FNBP1: variants seen among roughly 807,000 people sequenced by gnomAD.
FNBP1 encodes formin binding protein 1, also known as formin-binding protein 1.
In FNBP1, 26 loss-of-function variants were observed where a neutral mutation model predicts 90.6. The observed-to-expected ratio is 0.29, with a 90% CI of 0.21 to 0.40. FNBP1 has a LOEUF of 0.40. Among genes scored for constraint, FNBP1 ranks in the 10% least tolerant of loss-of-function variants. The probability of loss-of-function intolerance (pLI) is 1.00; values close to 1 mark genes in which losing one functional copy is unlikely to be tolerated. For synonymous variants in FNBP1, 260 were observed against 265.2 expected (o/e 0.98, Z 0.19); for missense variants, 635 against 768.0 (o/e 0.83, Z 2.05).
chr9:129,999,759 A>T lies in FNBP1; in HGVS notation c.25-4801T>A, dbSNP rs544880373. Among the ~76,000 whole-genome samples the T allele has an allele frequency of 2.0e-5, 3 of 152,322 alleles. No individual in the cohort carries two copies. In the South Asian group the frequency reaches 6.2e-4, roughly 32 times the overall value. On this transcript the variant is annotated intron_variant, in intron 1 of 16. Coordinates refer to ENST00000446176, the MANE Select transcript of FNBP1 (RefSeq NM_015033.3). The stretch of plus-strand genomic sequence containing the variant: ...ACCATTACATGTTAATGGAAAGAGC[A>T]TGTTTTTATTTTTTAAAACTGTACT...
In FNBP1 at chr9:129,889,139, C is replaced by A. The variant is rs1447349856; in HGVS notation, c.*1400G>T. ...ACCTCAGGTTTTCCTCAAAAACCCA[C>A]ACAGGGAAAGAAACTTGGCTCTAAA... On this transcript the variant is annotated 3_prime_UTR_variant, in exon 17 of 17. Coordinates refer to ENST00000446176, the MANE Select transcript of FNBP1 (RefSeq NM_015033.3). The A allele has an allele frequency of 4.5e-6, 1 of 221,042 alleles. No homozygotes were observed. The highest frequency in any genetic ancestry group is 2.3e-5 in the African/African-American group (1 of 44,296). 13.7% of individuals were successfully genotyped at this position (221,042 alleles called of 1,614,324 possible).
chr9:130,043,275 C>T, upstream of FNBP1: 1 of 241,660 alleles, frequency 4.1e-6, no homozygotes, highest in Non-Finnish European at 7.9e-6. Context: ...ACAGCTCGCG[C>T]ACGCGCGCCC....
intron 6 of FNBP1, among the ~76,000 whole-genome samples, chr9:129,943,080 C>T (rs968033690): frequency 5.9e-5 from 9 of 152,212 alleles, no homozygotes; most frequent in Non-Finnish European, 1.2e-4. Flanking sequence ...GCAGGCAGGT[C>T]AACGTCGGCA....
At chr9:130,000,615 G>A (rs2054691537) in intron 1 of FNBP1, among the ~76,000 whole-genome samples, 1 of 152,142 alleles carries the variant, frequency 6.6e-6, no homozygotes, top group Admixed American at 6.6e-5. Flanking sequence ...GTTTATATCA[G>A]TACCAATCTC....
intron 1 of FNBP1, among the ~76,000 whole-genome samples, chr9:130,011,712 C>A (rs2131685882): frequency 6.6e-6 from 1 of 152,220 alleles, no homozygotes; most frequent in South Asian, 2.1e-4. Context: ...TATAAATTAT[C>A]CACTCTCAGG....
chr9:129,952,784 TAGAC>T (rs1192979869), intron 6 of FNBP1, among the ~76,000 whole-genome samples: 2 of 152,136 alleles, frequency 1.3e-5, no homozygotes, highest in Non-Finnish European at 2.9e-5. Flanking sequence ...AAGAGTAAAA[TAGAC>T]AGAACATCAA....
At chr9:129,927,073 G>A in intron 8 of FNBP1, 122 bp downstream of exon 8, 1 of 925,638 alleles carries the variant, frequency 1.1e-6, no homozygotes, top group Non-Finnish European at 1.7e-6. Context: ...CACAGAGCAT[G>A]TGTGACCACC....
chr9:130,022,773 G>C (rs769259095), intron 1 of FNBP1, among the ~76,000 whole-genome samples: 1 of 151,948 alleles, frequency 6.6e-6, no homozygotes, highest in Non-Finnish European at 1.5e-5. Context: ...CCTCAGGCTC[G>C]GGTGATCATC....
intron 1 of FNBP1, chr9:130,013,833 T>G: frequency 2.3e-6 from 1 of 440,956 alleles, no homozygotes; most frequent in South Asian, 1.6e-5. Context: ...AAGAGTGGGC[T>G]TGTTACAAAA....
At position 130,031,651 on chromosome 9, in the gene FNBP1, A is replaced by ATTTC. The variant is rs201724203; in HGVS notation, c.24+11297_24+11300dup. Among the ~76,000 whole-genome samples, 1,860 of 151,710 alleles carry ATTTC rather than the reference A, an allele frequency of 0.012. 37 individuals are homozygous for ATTTC. Among genetic ancestry groups the ATTTC allele is most frequent in the African/African-American group, 0.043 (1,770 of 41,344 alleles). ...CTACCTTAGTCCTTATTACACAATAATTTCTTTCTTTCTTTCTTTCTTTTT... is the reference window on the plus strand; with the variant it reads ...CTACCTTAGTCCTTATTACACAATAATTTCTTTCTTTCTTTCTTTCTTTCTTTTT... On this transcript the variant is annotated intron_variant, in intron 1 of 16. Coordinates refer to ENST00000446176, the MANE Select transcript of FNBP1 (RefSeq NM_015033.3). The surrounding 1 kb of genome is among the most constrained non-coding windows in gnomAD (Gnocchi z 4.2).
intron 6 of FNBP1, among the ~76,000 whole-genome samples, chr9:129,943,715 G>A (rs1469057988): frequency 6.6e-6 from 1 of 152,052 alleles, no homozygotes; most frequent in African/African-American, 2.4e-5. Context: ...TATTGTGGTC[G>A]GGCACGGTAG....
chr9:129,923,930 G>C lies in FNBP1; in HGVS notation c.1084C>G (p.Gln362Glu), dbSNP rs767636435. 2 of 1,594,938 alleles carry C rather than the reference G, an allele frequency of 1.3e-6. No homozygotes were observed. Among genetic ancestry groups the C allele is most frequent in the Admixed American group, 3.5e-5 (2 of 56,582 alleles). The change falls in exon 10 of 17, where the codon CAG becomes GAG. Residue 362 changes from glutamine to glutamate, a missense_variant. Coordinates refer to ENST00000446176, the MANE Select transcript of FNBP1 (RefSeq NM_015033.3). The part of the protein sequence containing the change: ...AVPNGPQSPK[Q>E]QKEPLSHRFN... ...CGATGGGAGAGGGGTTCCTTTTGCT[G>C]CTTGGGAGACTGGGGGCCGTTGGGA...
chr9:129,923,940 C>T lies in FNBP1; in HGVS notation c.1074G>A (p.Gln358=), dbSNP rs756706409. The T allele has an allele frequency of 6.5e-7, 1 of 1,549,084 alleles. No individual in the cohort carries two copies. The highest frequency in any genetic ancestry group is 8.7e-7 in the Non-Finnish European group (1 of 1,154,338). Residue 358 remains glutamine, a synonymous_variant, in exon 10 of 17, where the codon CAG becomes CAA. Coordinates refer to ENST00000446176, the MANE Select transcript of FNBP1 (RefSeq NM_015033.3). ...GGGGTTCCTTTTGCTGCTTGGGAGA[C>T]TGGGGGCCGTTGGGAACAGCAGAGG... ...ASPSAVPNGP[Q]SPKQQKEPLS...
intron 11 of FNBP1, among the ~76,000 whole-genome samples, chr9:129,913,940 C>T (rs2039811921): frequency 6.6e-6 from 1 of 151,768 alleles, no homozygotes; most frequent in Admixed American, 6.6e-5. Context: ...GGAGCAGCCT[C>T]AACCTCCTGG....
chr9:129,958,855 A>G (rs1468434403), intron 4 of FNBP1, among the ~76,000 whole-genome samples: 3 of 151,380 alleles, frequency 2.0e-5, no homozygotes. Flanking sequence ...GGTGGCACAC[A>G]CTGATAGTCC....
At chr9:129,982,344 G>A (rs1008034485) in intron 2 of FNBP1, among the ~76,000 whole-genome samples, 2 of 152,162 alleles carry the variant, frequency 1.3e-5, no homozygotes, top group African/African-American at 4.8e-5. Flanking sequence ...GGTGGCGCAT[G>A]CCTGTAATCC....
intron 10 of FNBP1, among the ~76,000 whole-genome samples, chr9:129,921,436 C>A (rs943740469): frequency 6.6e-5 from 10 of 151,638 alleles, no homozygotes; most frequent in Admixed American, 2.0e-4. Context: ...CTCTGTCGTC[C>A]AGGCTGGAGT....
Position 130,043,002 on chromosome 9 carries a change from C to T in FNBP1, c.-27G>A. The T allele has an allele frequency of 8.2e-7, 1 of 1,225,090 alleles. No homozygotes were observed. The highest frequency in any genetic ancestry group is 1.0e-6 in the Non-Finnish European group (1 of 983,460). 75.9% of individuals were successfully genotyped at this position (1,225,090 alleles called of 1,614,324 possible). On this transcript the variant is annotated 5_prime_UTR_variant, in exon 1 of 17. Coordinates refer to ENST00000446176, the MANE Select transcript of FNBP1 (RefSeq NM_015033.3). ...GTGCAGGGGACGCGAAGGGGCGCTCCGCGCGGCGGGCGCGGCTCTCTGGTC... is the reference window on the plus strand; with the variant it reads ...GTGCAGGGGACGCGAAGGGGCGCTCTGCGCGGCGGGCGCGGCTCTCTGGTC...
chr9:130,053,842 C>A, the FNBP1 span: 8 of 1,280,450 alleles, frequency 6.2e-6, no homozygotes, highest in Non-Finnish European at 1.1e-6. Context: ...AGCTAGCCGC[C>A]GAGCCCCGCT....
Sources: gnomAD v4.1 joint callset for allele counts (sites outside exome capture counted in the v4.1 genomes callset) on GRCh38, gnomAD v4.1.1 for gene constraint, Gnocchi (gnomAD v3.1) non-coding constraint, MANE v1.5 for transcripts, NCBI Gene and HGNC (gene_info 2026-07-23, HGNC 2026-07-21) for gene names.